NTM: variants seen among roughly 807,000 people sequenced by gnomAD.
NTM encodes the protein neurotrimin.
Under a neutral mutation model 42.1 loss-of-function variants are expected in NTM, and 13 were observed. The observed-to-expected ratio is 0.31, with a 90% CI of 0.20 to 0.49. NTM has a LOEUF of 0.49. Ranked by LOEUF, NTM falls within the 20% of genes least tolerant of loss-of-function variation. The pLI, the probability that NTM is intolerant of heterozygous loss-of-function variation, is 0.99. For synonymous variants in NTM, 187 were observed against 179.2 expected (o/e 1.04, Z -0.35); for missense variants, 373 against 452.8 (o/e 0.82, Z 1.60).
chr11:131,425,182 A>G (rs924266662), intron 1 of NTM, among the ~76,000 whole-genome samples: 1 of 152,052 alleles, frequency 6.6e-6, no homozygotes, highest in South Asian at 2.1e-4. Context: ...GCGCCTGGCT[A>G]GTTGTCTCCT....
chr11:132,176,293 G>A (rs2076792944), intron 3 of NTM, among the ~76,000 whole-genome samples: 2 of 151,602 alleles, frequency 1.3e-5, no homozygotes, highest in Admixed American at 1.3e-4. Flanking sequence ...TAAAAAGTAG[G>A]CATTTCTAAA....
intron 1 of NTM, among the ~76,000 whole-genome samples, chr11:131,754,073 A>T (rs1373468714): frequency 7.0e-6 from 1 of 143,684 alleles, no homozygotes; most frequent in African/African-American, 2.6e-5. Flanking sequence ...ATAGGTGGGA[A>T]TTGAACAATG....
In NTM at chr11:131,907,719, T is replaced by C. The variant is rs139491419; in HGVS notation, c.83-3845T>C. On this transcript the variant is annotated intron_variant, in intron 1 of 8. Coordinates refer to ENST00000683400, the MANE Select transcript of NTM (RefSeq NM_001352005.2). ...TCAAGGAGGCAGAAAGGAAGTTGTTTCTATAAAGAACACAAATAATGAAAT... is the reference window on the plus strand; with the variant it reads ...TCAAGGAGGCAGAAAGGAAGTTGTTCCTATAAAGAACACAAATAATGAAAT... Among the ~76,000 whole-genome samples the C allele has an allele frequency of 6.6e-3, 996 of 151,876 alleles. 13 individuals carry two copies. Among genetic ancestry groups the C allele is most frequent in the African/African-American group, 0.022 (909 of 41,160 alleles).
chr11:131,966,299 G>A (rs643213), intron 2 of NTM, among the ~76,000 whole-genome samples: 135,221 of 152,236 alleles, frequency 0.89, 60,312 homozygotes, highest in East Asian at 1. Flanking sequence ...CACTGCTAAA[G>A]GAGCCTAGGA....
At chr11:131,825,746 T>C (rs190956316) in intron 1 of NTM, among the ~76,000 whole-genome samples, 18 of 152,160 alleles carry the variant, frequency 1.2e-4, no homozygotes, top group African/African-American at 4.3e-4. Context: ...GTTAATGGGT[T>C]TGGGTGATAA....
At chr11:131,439,485 C>A (rs1949427299) in intron 1 of NTM, among the ~76,000 whole-genome samples, 1 of 152,224 alleles carries the variant, frequency 6.6e-6, no homozygotes, top group Non-Finnish European at 1.5e-5. Flanking sequence ...TCCCAGGATG[C>A]TTTGTTTACC....
intron 2 of NTM, among the ~76,000 whole-genome samples, chr11:132,080,908 T>C (rs910146844): frequency 6.6e-6 from 1 of 152,252 alleles, no homozygotes. Context: ...GTTCCTGATA[T>C]GTACCCAGTC....
rs530209220 is a variant in NTM, at chr11:131,957,807, C to T, written c.167+46159C>T. 3.3e-5 allele frequency among the ~76,000 whole-genome samples: 5 copies of T among 152,028 alleles called. No homozygotes were observed. The East Asian group carries it at 7.7e-4, about 24-fold the overall frequency. On this transcript the variant is annotated intron_variant, in intron 2 of 8. Transcript: ENST00000683400. ...GACAGTTTTTATGTTAATAGAGAGTCGTTTAGAGTCAGGGAATTTTTCGAA... is the reference window on the plus strand; with the variant it reads ...GACAGTTTTTATGTTAATAGAGAGTTGTTTAGAGTCAGGGAATTTTTCGAA...
intron 4 of NTM, among the ~76,000 whole-genome samples, chr11:132,243,335 T>G (rs115606172): frequency 0.012 from 1,844 of 152,326 alleles, 21 homozygotes; most frequent in African/African-American, 0.034. Context: ...ACTCAACAAA[T>G]ATTTGAATTT....
At chr11:131,389,931 G>C (rs546273069) in intron 1 of NTM, among the ~76,000 whole-genome samples, 186 of 152,324 alleles carry the variant, frequency 1.2e-3, no homozygotes, top group Non-Finnish European at 1.6e-3. Flanking sequence ...GGGTGGATGA[G>C]GCCACTGGTT....
chr11:131,397,221 C>G (rs921601914), intron 1 of NTM, among the ~76,000 whole-genome samples: 2 of 152,140 alleles, frequency 1.3e-5, no homozygotes, highest in African/African-American at 2.4e-5. Context: ...CATAATCCAT[C>G]TTCATGTTAG....
chr11:131,511,794 G>C (rs1482215594), intron 1 of NTM, among the ~76,000 whole-genome samples: 1 of 152,116 alleles, frequency 6.6e-6, no homozygotes, highest in Non-Finnish European at 1.5e-5. Flanking sequence ...AGAATCCTCA[G>C]CTCTTACAGC....
intron 1 of NTM, among the ~76,000 whole-genome samples, chr11:131,514,507 G>A (rs528116760): frequency 6.6e-6 from 1 of 152,046 alleles, no homozygotes; most frequent in East Asian, 1.9e-4. Context: ...TGGAATTCAG[G>A]TATCTGTATT....
At chr11:131,777,874 C>A (rs1408500650) in intron 1 of NTM, among the ~76,000 whole-genome samples, 1 of 152,066 alleles carries the variant, frequency 6.6e-6, no homozygotes, top group South Asian at 2.1e-4. Flanking sequence ...TGATAATTGC[C>A]TATGGGAGTT....
At chr11:132,088,980 C>T (rs996154917) in intron 2 of NTM, among the ~76,000 whole-genome samples, 3 of 152,024 alleles carry the variant, frequency 2.0e-5, no homozygotes, top group Non-Finnish European at 2.9e-5. Flanking sequence ...AAGAGGAATG[C>T]CTAATGATTT....
chr11:131,609,605 G>C (rs1030207598), intron 1 of NTM, among the ~76,000 whole-genome samples: 1 of 152,216 alleles, frequency 6.6e-6, no homozygotes, highest in Admixed American at 6.5e-5. Flanking sequence ...TGGAAAAGCA[G>C]ACTGTGGTTT....
intron 1 of NTM, among the ~76,000 whole-genome samples, chr11:131,615,247 T>G (rs1247240839): frequency 2.0e-5 from 3 of 152,168 alleles, no homozygotes; most frequent in Non-Finnish European, 4.4e-5. Flanking sequence ...CAGCCTCAGA[T>G]TCCTCTGTGG....
intron 1 of NTM, among the ~76,000 whole-genome samples, chr11:131,560,564 A>G (rs1023576644): frequency 1.3e-5 from 2 of 152,146 alleles, no homozygotes; most frequent in Non-Finnish European, 2.9e-5. Flanking sequence ...GGCTTCCTAC[A>G]TGCTTTATTC....
At chr11:131,621,218 T>A (rs1479286517) in intron 1 of NTM, among the ~76,000 whole-genome samples, 1 of 152,126 alleles carries the variant, frequency 6.6e-6, no homozygotes, top group Non-Finnish European at 1.5e-5. Context: ...CTGGCCAGAG[T>A]CTTGCTTGTT....
Sources: gnomAD v4.1 joint callset for allele counts (sites outside exome capture counted in the v4.1 genomes callset) on GRCh38, gnomAD v4.1.1 for gene constraint, MANE v1.5 for transcripts, NCBI Gene and HGNC (gene_info 2026-07-23, HGNC 2026-07-21) for gene names.